The following MYBPC2 variants were observed in gnomAD, a reference collection of about 807,000 sequenced individuals.
The protein encoded by MYBPC2 is myosin-binding protein C, fast-type.
In MYBPC2, 122 loss-of-function variants were observed where a neutral mutation model predicts 137.0. The observed-to-expected ratio is 0.89, with a 90% CI of 0.77 to 1.03. The LOEUF (loss-of-function observed/expected upper bound fraction) is 1.03. MYBPC2 is among the 50% of genes least tolerant of loss of function. MYBPC2 has a pLI of 0.00. For synonymous variants in MYBPC2, 626 were observed against 612.3 expected (o/e 1.02, Z -0.33); for missense variants, 1,500 against 1,534.4 (o/e 0.98, Z 0.37).
At chr19:50,451,761 C>T in intron 15 of MYBPC2, 103 bp from the exon 16 acceptor site, 2 of 1,488,714 alleles carry the variant, frequency 1.3e-6, no homozygotes, top group Non-Finnish European at 1.8e-6. Context: ...ATCCCTGTGT[C>T]TCTGTCACTG....
intron 7 of MYBPC2, among the ~76,000 whole-genome samples, chr19:50,438,941 T>C (rs767351189): frequency 5.9e-5 from 9 of 152,096 alleles, no homozygotes; most frequent in Non-Finnish European, 8.8e-5. Flanking sequence ...CATCTTCACT[T>C]GCCCATCAAT....
intron 9 of MYBPC2, 47 bp from the exon 10 acceptor site, chr19:50,443,447 T>C (rs760084734): frequency 8.1e-6 from 13 of 1,597,622 alleles, no homozygotes; most frequent in Non-Finnish European, 1.1e-5. Flanking sequence ...ACCCCAGGGA[T>C]AGGTGGATGC....
rs778943078 is a variant in MYBPC2 at position 50,458,565 on chromosome 19, C to T, written c.2339-22C>T. ...GGATGGGAGGAGGGCACGAGATCCG[C>T]CAGCAGGGCCTCTCTCTCCAGCCGA... On this transcript the variant is annotated intron_variant, in intron 20 of 27. Transcript: ENST00000357701. 11 of 1,608,072 alleles carry T rather than the reference C, an allele frequency of 6.8e-6. No individual in the cohort carries two copies. The East Asian group carries it at 2.2e-4, about 33-fold the overall frequency.
chr19:50,445,804 C>T, intron 11 of MYBPC2, 76 bp from the exon 12 acceptor site: 1 of 1,439,368 alleles, frequency 6.9e-7, no homozygotes, highest in Non-Finnish European at 9.4e-7. Flanking sequence ...TGCATGGGCC[C>T]CCGACTGACT....
In MYBPC2 at chr19:50,435,175, C is replaced by A. The variant is rs1427330272; in HGVS notation, c.34C>A (p.Pro12Thr). The change falls in exon 2 of 28, where the codon CCC becomes ACC. Residue 12 changes from proline to threonine, a missense_variant. By Grantham distance (38) the Pro-to-Thr change is conservative. Coordinates refer to ENST00000357701, the MANE Select transcript of MYBPC2 (RefSeq NM_004533.4). This position sits in a 1 kb window ranked among gnomAD's most constrained non-coding sequence, Gnocchi z 4.8. ...PEAKPAAKKAPKGKDAPKGAP... is the reference protein window; with the variant it reads ...PEAKPAAKKATKGKDAPKGAP... ...CTACCTTACAGCGGCCAAAAAGGCC[C>A]CCAAAGGCAAAGATGCCCCCAAAGG... 20 of 1,351,132 alleles carry A rather than the reference C, an allele frequency of 1.5e-5. No homozygotes were observed. Among genetic ancestry groups the A allele is most frequent in the Non-Finnish European group, 2.1e-5 (20 of 945,248 alleles). The allele number at this position is 1,351,132 out of a possible 1,614,324, so 83.7% of individuals were successfully genotyped here. A position where few individuals can be genotyped will look rare whatever the true frequency, so the allele number is the denominator to read the frequency against.
chr19:50,456,082 GTCCATCCATCCATCCATCCA>G (rs34206117), intron 20 of MYBPC2, among the ~76,000 whole-genome samples: 2 of 127,732 alleles, frequency 1.6e-5, no homozygotes, highest in African/African-American at 6.1e-5. Flanking sequence ...TCATCTTACC[GTCCATCCATCCATCCATCCA>G]TCCATCCATC....
intron 12 of MYBPC2, among the ~76,000 whole-genome samples, chr19:50,447,590 G>T (rs1191122173): frequency 6.6e-6 from 1 of 152,096 alleles, no homozygotes; most frequent in Non-Finnish European, 1.5e-5. Flanking sequence ...GGGCTTAGTG[G>T]CTCACTCCTG....
At chr19:50,452,056 C>T (rs2039864237) in intron 16 of MYBPC2, 53 bp downstream of exon 16, 1 of 1,516,860 alleles carries the variant, frequency 6.6e-7, no homozygotes, top group Non-Finnish European at 9.0e-7. Flanking sequence ...AGGCAAGTCT[C>T]TTTCCCCCTG....
At chr19:50,436,504 C>T (rs1764987183) in intron 4 of MYBPC2, 113 bp from the exon 5 acceptor site, 3 of 983,048 alleles carry the variant, frequency 3.1e-6, no homozygotes, top group South Asian at 3.0e-5. Context: ...CCATTGGCCC[C>T]CCTGTGGGGT....
chr19:50,441,057 C>T lies in MYBPC2; in HGVS notation c.750C>T (p.Val250=), dbSNP rs558208612. The change falls in exon 8 of 28, where the codon GTC becomes GTT. Residue 250 remains valine (V), a synonymous_variant. Transcript: ENST00000357701. ...GMLKRLKKAK[V]EVKKSAAFTK... is the part of the protein sequence containing the mutation. ...TGAAGCGGCTGAAAAAGGCTAAGGTCGAGGTCAAGAAGAGTGCAGGTCAGC... is the reference window on the plus strand; with the variant it reads ...TGAAGCGGCTGAAAAAGGCTAAGGTTGAGGTCAAGAAGAGTGCAGGTCAGC... The T allele has an allele frequency of 8.8e-6, 14 of 1,598,354 alleles. No homozygotes were observed. In the African/African-American group the frequency reaches 1.1e-4, roughly 12 times the overall value.
rs775004873 is a variant in MYBPC2, at chr19:50,436,044, G to C, written c.229G>C (p.Gly77Arg). The C allele has an allele frequency of 1.3e-6, 2 of 1,584,366 alleles. No homozygotes were observed. The highest frequency in any genetic ancestry group is 1.7e-6 in the Non-Finnish European group (2 of 1,165,292). ...CGCAGTGGTCGTGGCCAAGGTGAAC[G>C]GGAAGGAGCTCCCAGACAAACCGAC... is the stretch of plus-strand genomic sequence containing the variant. ...KDAVVVAKVN[G>R]KELPDKPTIK... The change falls in exon 4 of 28, where the codon GGG becomes CGG. Residue 77 changes from glycine (G) to arginine (R), a missense_variant. Coordinates refer to ENST00000357701, the MANE Select transcript of MYBPC2 (RefSeq NM_004533.4).
intron 12 of MYBPC2, among the ~76,000 whole-genome samples, chr19:50,446,687 G>A (rs2039808698): frequency 6.6e-6 from 1 of 151,352 alleles, no homozygotes; most frequent in Non-Finnish European, 1.5e-5. Flanking sequence ...GGGTGTGGTG[G>A]CGTGCACCTG....
chr19:50,459,356 C>A, intron 23 of MYBPC2, 50 bp downstream of exon 23: 1 of 1,443,450 alleles, frequency 6.9e-7, no homozygotes, highest in Non-Finnish European at 9.2e-7. Flanking sequence ...CAGGGATGGG[C>A]AGCGATGGGG....
At chr19:50,444,183 T>C (rs10425992) in intron 11 of MYBPC2, among the ~76,000 whole-genome samples, 50 of 109,158 alleles carry the variant, frequency 4.6e-4, no homozygotes, top group African/African-American at 1.1e-3. Flanking sequence ...TCCATCCATC[T>C]GCTTAACCAT....
intron 26 of MYBPC2, among the ~76,000 whole-genome samples, chr19:50,462,417 C>T (rs2039980405): frequency 6.6e-6 from 1 of 152,038 alleles, no homozygotes. Context: ...CTCCTAGGCT[C>T]AAGTGATTCT....
Position 50,445,747 on chromosome 19 carries a change from C to G in MYBPC2, c.1134-133C>G, listed in dbSNP as rs530096712. ...CCGTCCACCACTCAAGATGCCTCTG[C>G]CACTCATTATGTCTCCTCCCTCCGG... On this transcript the variant is annotated intron_variant, in intron 11 of 27. Transcript: ENST00000357701. 1.1e-4 allele frequency: 92 copies of G among 868,736 alleles called. 1 individual carries two copies. In the South Asian group the frequency reaches 1.6e-3, roughly 15 times the overall value. The allele number at this position is 868,736 out of a possible 1,614,324, so 53.8% of individuals were successfully genotyped here.
chr19:50,433,350 G>A (rs1316427603), intron 1 of MYBPC2, among the ~76,000 whole-genome samples: 1 of 151,952 alleles, frequency 6.6e-6, no homozygotes, highest in Non-Finnish European at 1.5e-5. Flanking sequence ...TTTGCTTGAT[G>A]GGGATGGGGG....
chr19:50,464,722 T>C (rs1174858240), intron 27 of MYBPC2, among the ~76,000 whole-genome samples, 190 bp downstream of exon 27: 1 of 152,154 alleles, frequency 6.6e-6, no homozygotes, highest in East Asian at 1.9e-4. Context: ...GGGGAGCCCC[T>C]GACCCAGCTT....
intron 20 of MYBPC2, 147 bp downstream of exon 20, chr19:50,455,791 A>G: frequency 2.5e-6 from 3 of 1,216,272 alleles, no homozygotes; most frequent in African/African-American, 1.5e-5. Flanking sequence ...AGTCTCTGGG[A>G]TGGGACCCCC....
Sources: gnomAD v4.1 joint callset for allele counts (sites outside exome capture counted in the v4.1 genomes callset) on GRCh38, gnomAD v4.1.1 for gene constraint, Gnocchi (gnomAD v3.1) non-coding constraint, MANE v1.5 for transcripts, NCBI Gene and HGNC (gene_info 2026-07-23, HGNC 2026-07-21) for gene names.